TDRD9: variants seen among roughly 807,000 people sequenced by gnomAD.
TDRD9 encodes the protein ATP-dependent RNA helicase TDRD9.
In TDRD9, 124 loss-of-function variants were observed where a neutral mutation model predicts 172.6. That is an observed-to-expected ratio of 0.72 (90% CI 0.62 to 0.83). The LOEUF is 0.83. TDRD9 is among the 40% of genes least tolerant of loss of function. The pLI, the probability that TDRD9 is intolerant of heterozygous loss-of-function variation, is 0.00. For synonymous variants in TDRD9, 619 were observed against 617.1 expected (o/e 1.00, Z -0.05); for missense variants, 1,479 against 1,714.1 (o/e 0.86, Z 2.42).
intron 32 of TDRD9, among the ~76,000 whole-genome samples, chr14:104,039,753 A>C (rs1329175079): frequency 6.6e-6 from 1 of 152,244 alleles, no homozygotes; most frequent in Non-Finnish European, 1.5e-5. Context: ...CCATTGTTTT[A>C]GGATGAGAAG....
intron 20 of TDRD9, among the ~76,000 whole-genome samples, chr14:104,011,146 T>A (rs528074943): frequency 6.6e-6 from 1 of 152,214 alleles, no homozygotes; most frequent in Non-Finnish European, 1.5e-5. Flanking sequence ...ACTGAGACAC[T>A]GCTATGTGGT....
intron 24 of TDRD9, among the ~76,000 whole-genome samples, chr14:104,022,854 C>T (rs988782441): frequency 2.0e-5 from 3 of 152,108 alleles, no homozygotes; most frequent in Non-Finnish European, 4.4e-5. Context: ...ATTACCTAAC[C>T]TCTCTGAACC....
chr14:103,935,822 T>C (rs922983329), intron 1 of TDRD9, among the ~76,000 whole-genome samples: 1 of 152,196 alleles, frequency 6.6e-6, no homozygotes, highest in Non-Finnish European at 1.5e-5. Context: ...CTTAACACTT[T>C]CATGGGAATG....
Position 103,991,143 on chromosome 14 carries a change from C to T in TDRD9, c.1116-17C>T, listed in dbSNP as rs1260083377. 1 of 1,613,842 alleles carries T rather than the reference C, an allele frequency of 6.2e-7. No individual in the cohort carries two copies. Among genetic ancestry groups the T allele is most frequent in the Non-Finnish European group, 8.5e-7 (1 of 1,179,782 alleles). On this transcript the variant is annotated splice_polypyrimidine_tract_variant and intron_variant, in intron 8 of 35. Transcript: ENST00000409874. ...ATTAGCCTTCATTAATATTTGTGCA[C>T]ATCACATTTTTAACAGGAACAAGGC...
intron 35 of TDRD9, chr14:104,049,946 G>A: frequency 2.4e-6 from 1 of 417,920 alleles, no homozygotes; most frequent in Non-Finnish European, 4.3e-6. Flanking sequence ...AGGTATGAGG[G>A]TCTGGATTGA....
intron 20 of TDRD9, 99 bp from the exon 21 acceptor site, chr14:104,014,626 G>A (rs2034726700): frequency 7.4e-6 from 5 of 674,140 alleles, no homozygotes; most frequent in Non-Finnish European, 1.3e-5. Flanking sequence ...CTGTAGCTGT[G>A]TTTATACTTT....
At chr14:104,047,748 T>G (rs1349654643) in intron 34 of TDRD9, among the ~76,000 whole-genome samples, 1 of 152,220 alleles carries the variant, frequency 6.6e-6, no homozygotes, top group Admixed American at 6.5e-5. Flanking sequence ...TCTGTTGATC[T>G]GTCCTAAGGT....
intron 9 of TDRD9, among the ~76,000 whole-genome samples, chr14:103,992,544 T>C (rs77520878): frequency 0.029 from 4,401 of 152,272 alleles, 131 homozygotes; most frequent in African/African-American, 0.076. Flanking sequence ...TAGAGCCATG[T>C]TGATACTGGC....
intron 1 of TDRD9, among the ~76,000 whole-genome samples, chr14:103,944,206 AC>A (rs896265048): frequency 2.0e-4 from 31 of 152,250 alleles, no homozygotes; most frequent in African/African-American, 7.0e-4. Flanking sequence ...CTACAGTCTT[AC>A]GTTATCCCTC....
chr14:103,932,871 T>A (rs1031791072), intron 1 of TDRD9, among the ~76,000 whole-genome samples: 2 of 152,048 alleles, frequency 1.3e-5, no homozygotes, highest in African/African-American at 4.8e-5. Flanking sequence ...ATTTTTTTTT[T>A]AATCAGCTTA....
intron 1 of TDRD9, among the ~76,000 whole-genome samples, chr14:103,931,051 TG>T (rs957495718): frequency 6.6e-6 from 1 of 152,056 alleles, no homozygotes; most frequent in African/African-American, 2.4e-5. Flanking sequence ...CCCAGCACTT[TG>T]GGAGTCCAAG....
At chr14:103,955,798 A>G in intron 2 of TDRD9, 28 bp downstream of exon 2, 2 of 1,516,636 alleles carry the variant, frequency 1.3e-6, no homozygotes, top group Non-Finnish European at 1.8e-6. Context: ...AATATTTTAG[A>G]TAGGATGCAT....
At chr14:103,943,844 G>T (rs1220453010) in intron 1 of TDRD9, among the ~76,000 whole-genome samples, 2 of 152,178 alleles carry the variant, frequency 1.3e-5, no homozygotes, top group African/African-American at 4.8e-5. Context: ...TGTCATGCAT[G>T]ACCCAGAGTG....
Position 104,015,125 on chromosome 14 carries a change from G to GT in TDRD9, c.2223+285dup, listed in dbSNP as rs149861624. Among the ~76,000 whole-genome samples, 1,501 of 152,248 alleles carry GT rather than the reference G, an allele frequency of 9.9e-3. 21 individuals are homozygous for GT. The highest frequency in any genetic ancestry group is 0.034 in the African/African-American group (1,419 of 41,528). Reference sequence around the variant, plus strand: ...ATTTCCAGGGGAGTGTTTCTATAGAGTACCTGTGTTATCACTGCTTCAGGA... The same window carrying GT: ...ATTTCCAGGGGAGTGTTTCTATAGAGTTACCTGTGTTATCACTGCTTCAGGA... On this transcript the variant is annotated intron_variant, in intron 21 of 35. Transcript: ENST00000409874.
At chr14:103,965,773 C>T (rs369622136) in intron 4 of TDRD9, among the ~76,000 whole-genome samples, 5 of 151,556 alleles carry the variant, frequency 3.3e-5, no homozygotes, top group African/African-American at 9.7e-5. Flanking sequence ...GGTGAAACTC[C>T]GTCTCTACTA....
rs942449929 is a variant in TDRD9, at chr14:104,039,282, A to G, written c.3717-914A>G. Among the ~76,000 whole-genome samples the G allele has an allele frequency of 2.4e-4, 36 of 152,294 alleles. 1 individual carries two copies. Among genetic ancestry groups the G allele is most frequent in the East Asian group, 1.5e-3 (8 of 5,184 alleles). On this transcript the variant is annotated intron_variant, in intron 32 of 35. Transcript: ENST00000409874. ...CCTTCCAGAGGGTCCCTCCCATGAC[A>G]CGTGGGGATTATTTAGGATGAGATT...
intron 3 of TDRD9, among the ~76,000 whole-genome samples, chr14:103,964,079 A>AAAAC (rs2032629374): frequency 6.6e-6 from 1 of 152,082 alleles, no homozygotes; most frequent in Non-Finnish European, 1.5e-5. Flanking sequence ...TCATCTCTAC[A>AAAAC]AAACACACCC....
chr14:104,022,228 A>G lies in TDRD9; in HGVS notation c.2504A>G (p.Lys835Arg), dbSNP rs771334040. Residue 835 changes from lysine to arginine, a missense_variant, in exon 24 of 36, where the codon AAG becomes AGG. Physicochemically the swap from Lys to Arg is conservative, Grantham distance 26. Around this residue, in one of 3 missense-constraint regions of TDRD9, gnomAD observed 1,413 missense variants for 1,649.1 expected, o/e 0.86. Coordinates refer to ENST00000409874, the MANE Select transcript of TDRD9 (RefSeq NM_153046.3). ...KTLPAVYMAI[K>R]MSQLKVSLEL... is the part of the protein sequence containing the mutation. ...CTTCCTGCAGTATATATGGCAATTA[A>G]GATGTCTCAACTAAAAGTTTCACTT... is the stretch of plus-strand genomic sequence containing the variant. 1.2e-6 allele frequency: 2 copies of G among 1,604,248 alleles called. No homozygotes were observed. The highest frequency in any genetic ancestry group is 1.7e-6 in the Non-Finnish European group (2 of 1,175,162).
chr14:103,961,540 G>A (rs951004546), intron 2 of TDRD9, among the ~76,000 whole-genome samples: 2 of 151,628 alleles, frequency 1.3e-5, no homozygotes, highest in South Asian at 4.2e-4. Flanking sequence ...TCCAGCCTGG[G>A]GGACAGAGCA....
Sources: allele counts gnomAD v4.1 joint callset (sites outside exome capture counted in the v4.1 genomes callset), GRCh38; gene constraint gnomAD v4.1.1; regional missense constraint gnomAD v4.1.1; transcripts MANE v1.5; gene names NCBI Gene and HGNC (gene_info 2026-07-23, HGNC 2026-07-21).